Variants in IL34 observed in about 807,000 individuals in gnomAD.
IL34 encodes the protein interleukin-34.
In IL34, 17 loss-of-function variants were observed where a neutral mutation model predicts 25.3. The observed-to-expected ratio is 0.67, with a 90% CI of 0.46 to 1.01. The LOEUF is 1.01. Ranked by LOEUF, IL34 falls within the 50% of genes least tolerant of loss-of-function variation. The pLI, the probability that IL34 is intolerant of heterozygous loss-of-function variation, is 0.00. For missense variants in IL34, 368 were observed against 312.9 expected (o/e 1.18, Z -1.33); for synonymous variants, 174 against 140.9 (o/e 1.23, Z -1.66).
At chr16:70,655,735 G>A (rs1253741313) in intron 2 of IL34, among the ~76,000 whole-genome samples, 1 of 151,990 alleles carries the variant, frequency 6.6e-6, no homozygotes, top group Non-Finnish European at 1.5e-5. Flanking sequence ...TAGAGACAGG[G>A]TGTCACTCTG....
Position 70,649,548 on chromosome 16 carries a change from ACCTC to A in IL34, c.28+2575_28+2578del, listed in dbSNP as rs752700652. Among the ~76,000 whole-genome samples, 12 of 151,948 alleles carry A rather than the reference ACCTC, an allele frequency of 7.9e-5. No individual in the cohort carries two copies. In the East Asian group the frequency reaches 2.3e-3, roughly 29 times the overall value. ...GGGCTCTGCCTCTGGAGTCGGTCCT[ACCTC>A]CTACTTCACAAAGACCCCATTTCCA... On this transcript the variant is annotated intron_variant, in intron 1 of 5. Coordinates refer to ENST00000288098, the MANE Select transcript of IL34 (RefSeq NM_001393494.1).
intron 1 of IL34, among the ~76,000 whole-genome samples, chr16:70,598,461 G>A (rs947010895): frequency 6.6e-6 from 1 of 152,148 alleles, no homozygotes; most frequent in African/African-American, 2.4e-5. Flanking sequence ...TCTTTTGGCT[G>A]GGCGCAGTGG....
At chr16:70,596,813 A>G (rs746245317) in intron 1 of IL34, among the ~76,000 whole-genome samples, 7 of 152,170 alleles carry the variant, frequency 4.6e-5, no homozygotes, top group Non-Finnish European at 7.3e-5. Flanking sequence ...CTGGTCTCAA[A>G]CTTCTGGTCT....
chr16:70,655,669 G>A (rs1198311989), intron 2 of IL34, among the ~76,000 whole-genome samples: 1 of 152,162 alleles, frequency 6.6e-6, no homozygotes, highest in East Asian at 1.9e-4. Flanking sequence ...TGGGATTATA[G>A]GTGTGAGCCA....
chr16:70,653,099 G>T (rs1443954255), intron 1 of IL34, among the ~76,000 whole-genome samples: 1 of 152,170 alleles, frequency 6.6e-6, no homozygotes, highest in Non-Finnish European at 1.5e-5. Context: ...CCAGCTACTT[G>T]GGAGGCTGAG....
rs2052369967 is a variant in IL34, at chr16:70,660,213, G to C, written c.*26G>C. 6.5e-7 allele frequency: 1 copy of C among 1,531,688 alleles called. No homozygotes were observed. Among genetic ancestry groups the C allele is most frequent in the Non-Finnish European group, 8.8e-7 (1 of 1,141,886 alleles). The allele number at this position is 1,531,688 out of a possible 1,614,324, so 94.9% of individuals were successfully genotyped here. ...GCACCCTGGATGGTGACTGCGGATA[G>C]GGGCAGCCAGACCAGCTCCCACAGG... On this transcript the variant is annotated 3_prime_UTR_variant, in exon 6 of 6. Coordinates refer to ENST00000288098, the MANE Select transcript of IL34 (RefSeq NM_001393494.1).
At chr16:70,656,518 TA>T (rs987933059) in intron 2 of IL34, 83 bp from the exon 3 acceptor site, 14 of 833,438 alleles carry the variant, frequency 1.7e-5, no homozygotes, top group Admixed American at 5.1e-5. Context: ...GACTAACTGT[TA>T]AAAAAAACAT....
intron 1 of IL34, among the ~76,000 whole-genome samples, chr16:70,587,517 C>T (rs1260419895): frequency 3.3e-5 from 5 of 151,994 alleles, no homozygotes; most frequent in Middle Eastern, 3.4e-3. Context: ...ATGATCCGCC[C>T]GCCTCGGCGT....
At position 70,659,637 on chromosome 16, in the gene IL34, AG is replaced by A. The variant is rs2052333867; in HGVS notation, c.424del (p.Val142TrpfsTer8). The A allele has an allele frequency of 6.2e-7, 1 of 1,610,764 alleles. No individual in the cohort carries two copies. Among genetic ancestry groups the A allele is most frequent in the Non-Finnish European group, 8.5e-7 (1 of 1,177,794 alleles). ...QGLTDVEVSPKVESVLSLLNA... is the reference protein window; with the variant it reads ...QGLTDVEVSPXVESVLSLLNA... The stretch of plus-strand genomic sequence containing the variant: ...TTCCAGGATGTGGAGGTCAGCCCCA[AG>A]GTGGAATCCGTGTTGTCCCTCTTGA... On this transcript the variant is annotated frameshift_variant, in exon 5 of 6. Coordinates refer to ENST00000288098, the MANE Select transcript of IL34 (RefSeq NM_001393494.1). LOFTEE classifies it high-confidence loss of function.
At chr16:70,656,502 G>C in intron 2 of IL34, 100 bp from the exon 3 acceptor site, 1 of 795,312 alleles carries the variant, frequency 1.3e-6, no homozygotes, top group African/African-American at 1.7e-5. Flanking sequence ...CTGGGTGACA[G>C]AGTGAGACTA....
At chr16:70,652,454 T>C (rs2052104381) in intron 1 of IL34, among the ~76,000 whole-genome samples, 1 of 152,210 alleles carries the variant, frequency 6.6e-6, no homozygotes, top group South Asian at 2.1e-4. Context: ...AGCAAGACCC[T>C]ATTTGAAAAG....
At chr16:70,640,499 C>T (rs1597769481) in intron 1 of IL34, among the ~76,000 whole-genome samples, 1 of 151,948 alleles carries the variant, frequency 6.6e-6, no homozygotes, top group East Asian at 1.9e-4. Context: ...TGGTGCATGC[C>T]TGTAATCCCA....
chr16:70,585,426 C>T (rs927911729), intron 1 of IL34, among the ~76,000 whole-genome samples: 2 of 151,402 alleles, frequency 1.3e-5, no homozygotes, highest in Admixed American at 6.6e-5. Flanking sequence ...GGCGCGGTGG[C>T]TCACGCCTGT....
At chr16:70,586,471 G>A (rs781666583) in intron 1 of IL34, among the ~76,000 whole-genome samples, 26 of 152,122 alleles carry the variant, frequency 1.7e-4, no homozygotes, top group Non-Finnish European at 3.5e-4. Context: ...TGGGAGGATT[G>A]CTTGAGCCCT....
intron 1 of IL34, among the ~76,000 whole-genome samples, chr16:70,598,060 G>T (rs956668162): frequency 6.6e-6 from 1 of 152,156 alleles, no homozygotes; most frequent in Non-Finnish European, 1.5e-5. Context: ...TGGCCAGGCT[G>T]ATCTCAAACT....
chr16:70,585,037 G>T (rs1289575020), intron 1 of IL34, among the ~76,000 whole-genome samples: 2 of 151,954 alleles, frequency 1.3e-5, no homozygotes, highest in Non-Finnish European at 2.9e-5. Context: ...AATCCACGTT[G>T]TACCACAGAT....
chr16:70,608,743 C>T (rs769468971), intron 1 of IL34, among the ~76,000 whole-genome samples: 2 of 152,240 alleles, frequency 1.3e-5, no homozygotes, highest in Non-Finnish European at 2.9e-5. Flanking sequence ...GGCTCTGCTG[C>T]CTCTCTCTCT....
At chr16:70,656,560 T>C in intron 2 of IL34, 42 bp from the exon 3 acceptor site, 1 of 908,908 alleles carries the variant, frequency 1.1e-6, no homozygotes. Flanking sequence ...CTGCTGGTCA[T>C]TTCTACTTCT....
chr16:70,646,150 T>A (rs146907665), upstream of IL34, among the ~76,000 whole-genome samples: 842 of 152,132 alleles, frequency 5.5e-3, 4 homozygotes, highest in African/African-American at 0.019. Flanking sequence ...GCTCACGCAA[T>A]CCTCCCACCT....
Sources: gnomAD v4.1 joint callset for allele counts (sites outside exome capture counted in the v4.1 genomes callset) on GRCh38, gnomAD v4.1.1 for gene constraint, MANE v1.5 for transcripts, NCBI Gene and HGNC (gene_info 2026-07-23, HGNC 2026-07-21) for gene names.